CDH13: variants seen among roughly 807,000 people sequenced by gnomAD.
CDH13 encodes cadherin 13, also known as cadherin-13.
Under a neutral mutation model 63.8 loss-of-function variants are expected in CDH13, and 24 were observed. The ratio of observed to expected loss-of-function variants is 0.38; its 90% confidence interval spans 0.27 to 0.53. CDH13 has a LOEUF of 0.53. Among genes scored for constraint, CDH13 ranks in the 20% least tolerant of loss-of-function variants. CDH13 has a pLI of 0.85. For missense variants in CDH13, 1,049 were observed against 903.1 expected, an observed-to-expected ratio of 1.16 and a Z score of -2.07; for synonymous variants, 503 against 355.3, an observed-to-expected ratio of 1.42 and a Z score of -4.67.
At chr16:83,649,011 TA>T (rs1439521349) in intron 8 of CDH13, among the ~76,000 whole-genome samples, 2 of 152,232 alleles carry the variant, frequency 1.3e-5, no homozygotes, top group South Asian at 2.1e-4. Flanking sequence ...CAAGACATCT[TA>T]TCACTGGGGA....
intron 3 of CDH13, among the ~76,000 whole-genome samples, chr16:83,048,787 C>T (rs1482840454): frequency 1.3e-5 from 2 of 152,064 alleles, no homozygotes; most frequent in Admixed American, 1.3e-4. Context: ...TTAAATTTTC[C>T]CTCCTCTGTG....
chr16:83,240,503 G>A (rs1461751108), intron 5 of CDH13, among the ~76,000 whole-genome samples: 2 of 152,060 alleles, frequency 1.3e-5, no homozygotes, highest in Non-Finnish European at 1.5e-5. Flanking sequence ...TAGAGAGTGA[G>A]GCTAGAGTGC....
At chr16:83,272,407 T>C (rs1390994952) in intron 5 of CDH13, among the ~76,000 whole-genome samples, 1 of 152,196 alleles carries the variant, frequency 6.6e-6, no homozygotes, top group Non-Finnish European at 1.5e-5. Flanking sequence ...GCAGAGTGAA[T>C]ATTTGGATCA....
intron 3 of CDH13, among the ~76,000 whole-genome samples, chr16:83,090,966 A>G (rs911601691): frequency 2.0e-5 from 3 of 151,812 alleles, no homozygotes; most frequent in African/African-American, 7.3e-5. Flanking sequence ...ATTCAAGTAT[A>G]TTGCATATAT....
intron 6 of CDH13, among the ~76,000 whole-genome samples, chr16:83,365,737 G>A (rs369393314): frequency 6.6e-6 from 1 of 152,174 alleles, no homozygotes; most frequent in African/African-American, 2.4e-5. Flanking sequence ...CAGCAGAGAA[G>A]AGTTAGAGAA....
intron 3 of CDH13, among the ~76,000 whole-genome samples, chr16:83,062,432 G>T (rs1489483452): frequency 6.6e-6 from 1 of 152,192 alleles, no homozygotes; most frequent in Non-Finnish European, 1.5e-5. Context: ...TCAGTAAGAA[G>T]TATCAATGTG....
rs185659438 is a variant in CDH13, at chr16:83,148,716, G to A, written c.483+23215G>A. On this transcript the variant is annotated intron_variant, in intron 4 of 13. Transcript: ENST00000567109. ...TCTAATACAGTTAATATCTTTGTAC[G>A]TAGGAGTTTTAGCAGGCAGGTGTGA... Among the ~76,000 whole-genome samples the A allele has an allele frequency of 2.9e-4, 44 of 152,288 alleles. No individual in the cohort carries two copies. The East Asian group carries it at 6.2e-3, about 21-fold the overall frequency.
At chr16:82,658,190 G>T (rs1911521238) in intron 1 of CDH13, among the ~76,000 whole-genome samples, 3 of 152,184 alleles carry the variant, frequency 2.0e-5, no homozygotes, top group African/African-American at 7.2e-5. Context: ...ATGTGCATAT[G>T]AGCCTCCTGG....
rs893335452 is a variant in CDH13, at chr16:83,416,461, C to T, written c.782-70016C>T. On this transcript the variant is annotated intron_variant, in intron 6 of 13. Transcript: ENST00000567109. ...TTCACCTGTGACTATATCTGTTTCTCTTTCTGGGTCTTATCTCTTCTTGTG... is the reference window on the plus strand; with the variant it reads ...TTCACCTGTGACTATATCTGTTTCTTTTTCTGGGTCTTATCTCTTCTTGTG... 2.6e-5 allele frequency among the ~76,000 whole-genome samples: 4 copies of T among 152,316 alleles called. No individual in the cohort carries two copies. In the South Asian group the frequency reaches 6.2e-4, roughly 24 times the overall value.
chr16:82,745,364 A>G (rs1448238726), intron 1 of CDH13, among the ~76,000 whole-genome samples: 1 of 152,214 alleles, frequency 6.6e-6, no homozygotes, highest in African/African-American at 2.4e-5. Context: ...TTCTCCATTA[A>G]TAGAGTACCA....
intron 8 of CDH13, among the ~76,000 whole-genome samples, chr16:83,625,033 A>T (rs980453706): frequency 1.3e-5 from 2 of 152,142 alleles, no homozygotes; most frequent in Admixed American, 6.5e-5. Context: ...CATGGGGGGA[A>T]TATTTAAGCA....
chr16:83,004,395 A>G (rs1176673185), intron 2 of CDH13, among the ~76,000 whole-genome samples: 1 of 152,222 alleles, frequency 6.6e-6, no homozygotes, highest in African/African-American at 2.4e-5. Flanking sequence ...ATGCTACAAA[A>G]ACAGAAGCTT....
intron 1 of CDH13, among the ~76,000 whole-genome samples, chr16:82,710,056 C>CACACACT (rs2151004296): frequency 1.3e-5 from 2 of 150,902 alleles, no homozygotes; most frequent in South Asian, 4.2e-4. Flanking sequence ...CATACACACA[C>CACACACT]ACACACTACA....
At chr16:83,341,989 CCACACACACACACACACACACACACACA>C (rs756844839) in intron 5 of CDH13, among the ~76,000 whole-genome samples, 3 of 138,072 alleles carry the variant, frequency 2.2e-5, no homozygotes, top group Non-Finnish European at 4.7e-5. Context: ...GTGTCCCCTG[CCACACACACACACACACACACACACACA>C]CACACACACA....
intron 3 of CDH13, among the ~76,000 whole-genome samples, chr16:83,087,725 C>T (rs1158975140): frequency 3.4e-5 from 5 of 147,182 alleles, no homozygotes; most frequent in African/African-American, 1.0e-4. Context: ...TAGCAAGTTC[C>T]TGTTATTTAT....
intron 2 of CDH13, among the ~76,000 whole-genome samples, chr16:82,926,403 A>C (rs1465042319): frequency 6.6e-6 from 1 of 152,214 alleles, no homozygotes; most frequent in Non-Finnish European, 1.5e-5. Context: ...GAAAGTTTAG[A>C]GATCCTGAGT....
intron 7 of CDH13, among the ~76,000 whole-genome samples, chr16:83,538,061 C>A (rs1598250149): frequency 6.6e-6 from 1 of 152,092 alleles, no homozygotes; most frequent in African/African-American, 2.4e-5. Flanking sequence ...GTTTCCTAAA[C>A]AAGTTGAATA....
chr16:82,999,265 T>G (rs1425213387), intron 2 of CDH13, among the ~76,000 whole-genome samples: 1 of 152,158 alleles, frequency 6.6e-6, no homozygotes, highest in African/African-American at 2.4e-5. Context: ...CCCCCTCCTT[T>G]GTCAGTCCCA....
At chr16:83,420,258 T>A in intron 6 of CDH13, among the ~76,000 whole-genome samples, 1 of 152,080 alleles carries the variant, frequency 6.6e-6, no homozygotes. Flanking sequence ...ATGACTGAGG[T>A]AGTCACAATT....
Sources: gnomAD v4.1 joint callset for allele counts (sites outside exome capture counted in the v4.1 genomes callset) on GRCh38, gnomAD v4.1.1 for gene constraint, MANE v1.5 for transcripts, NCBI Gene and HGNC (gene_info 2026-07-23, HGNC 2026-07-21) for gene names.